The following HECTD3 variants were observed in gnomAD, a reference collection of about 807,000 sequenced individuals.
The protein encoded by HECTD3 is HECT domain E3 ubiquitin protein ligase 3.
In HECTD3, 72 loss-of-function variants were observed where a neutral mutation model predicts 109.3. The ratio of observed to expected loss-of-function variants is 0.66; its 90% CI spans 0.54 to 0.80. The LOEUF is 0.80. HECTD3 is among the 30% of genes least tolerant of loss of function. The pLI, the probability that HECTD3 is intolerant of heterozygous loss-of-function variation, is 0.00. For missense variants in HECTD3, 1,041 were observed against 1,165.2 expected, an observed-to-expected ratio of 0.89 and a Z score of 1.55; for synonymous variants, 481 against 471.8, an observed-to-expected ratio of 1.02 and a Z score of -0.25.
At chr1:45,008,800 C>A in intron 7 of HECTD3, 99 bp from the exon 8 acceptor site, 1 of 1,167,002 alleles carries the variant, frequency 8.6e-7, no homozygotes, top group Admixed American at 1.9e-5. Flanking sequence ...CTTGTGTCAC[C>A]GTTAGCCCCT....
intron 15 of HECTD3, chr1:45,005,075 A>T (rs1557727375): frequency 3.7e-6 from 2 of 540,338 alleles, no homozygotes; most frequent in Non-Finnish European, 6.7e-6. Context: ...AGGAGAGAGA[A>T]CATCTTGGAG....
Position 45,006,257 on chromosome 1 carries a change from T to C in HECTD3, c.1726-141A>G. On this transcript the variant is annotated intron_variant, in intron 13 of 20. Coordinates refer to ENST00000372172, the MANE Select transcript of HECTD3 (RefSeq NM_024602.6). This position sits in a 1 kb window ranked among gnomAD's most constrained non-coding sequence, Gnocchi z 4.7. ...TGCACAGTGGCTCCTCCTCTCCCTG[T>C]CTGCCCAGAGGTTGCCCTGAGCAAC... The C allele has an allele frequency of 1.8e-6, 2 of 1,123,088 alleles. No individual in the cohort carries two copies. The highest frequency in any genetic ancestry group is 2.6e-6 in the Non-Finnish European group (2 of 779,462). 69.6% of individuals were successfully genotyped at this position (1,123,088 alleles called of 1,614,324 possible). A position where few individuals can be genotyped will look rare whatever the true frequency, so the allele number is the denominator to read the frequency against.
In HECTD3 at chr1:45,007,216, T is replaced by C; in HGVS notation, c.1556+3A>G. 1.2e-6 allele frequency: 2 copies of C among 1,612,104 alleles called. No individual in the cohort carries two copies. The highest frequency in any genetic ancestry group is 1.7e-6 in the Non-Finnish European group (2 of 1,178,674). On this transcript the variant is annotated splice_donor_region_variant and intron_variant, in intron 11 of 20. Transcript: ENST00000372172. ...GAGTAAGTCCCTCACTCTCATGCCA[T>C]ACCTGTAGTCCAGGGGCTTTTCATA...
chr1:45,005,974 G>T, intron 14 of HECTD3, 23 bp downstream of exon 14: 1 of 1,612,406 alleles, frequency 6.2e-7, no homozygotes, highest in Non-Finnish European at 8.5e-7. Flanking sequence ...TGATCGGACG[G>T]GGGTGTGGAT....
chr1:45,007,787 T>C (rs976597294), intron 9 of HECTD3, among the ~76,000 whole-genome samples, 192 bp from the exon 10 acceptor site: 4 of 152,190 alleles, frequency 2.6e-5, no homozygotes, highest in Non-Finnish European at 2.9e-5. Context: ...AATCTAATAC[T>C]GTCATTACCT....
At position 45,004,371 on chromosome 1, in the gene HECTD3, C is replaced by G; in HGVS notation, c.2149G>C (p.Ala717Pro). ...RLEESKEQVA[A>P]MQAGLLKVVP... ...ACCTTCAGCAGACCTGCCTGCATAG[C>G]TGCCACCTGGGGAGTGGGTAAAAAG... The change falls in exon 17 of 21, where the codon GCT (alanine) becomes CCT (proline). Residue 717 changes from alanine to proline, a missense_variant. Ala to Pro is a conservative substitution (Grantham distance 27). Around this residue, in one of 2 missense-constraint regions of HECTD3, gnomAD observed 569 missense variants for 715.3 expected, o/e 0.80. Coordinates refer to ENST00000372172, the MANE Select transcript of HECTD3 (RefSeq NM_024602.6). The G allele has an allele frequency of 6.2e-7, 1 of 1,614,138 alleles. No individual in the cohort carries two copies. Among genetic ancestry groups the G allele is most frequent in the Non-Finnish European group, 8.5e-7 (1 of 1,179,990 alleles).
chr1:45,010,066 A>T lies in HECTD3; in HGVS notation c.679T>A (p.Tyr227Asn). ...ECDEDLIHFL[Y>N]DHLGKEDENL... ...TCATCCTCCTTGCCCAGGTGGTCAT[A>T]CAAGAAGTGGATCAGGTCCTCGTCG... Residue 227 changes from tyrosine to asparagine, a missense_variant, in exon 4 of 21, where the codon TAT (tyrosine) becomes AAT (asparagine). By Grantham distance (143) the Tyr-to-Asn change is moderately radical. Transcript: ENST00000372172. 6.3e-7 allele frequency: 1 copy of T among 1,577,764 alleles called. No individual in the cohort carries two copies. The highest frequency in any genetic ancestry group is 8.6e-7 in the Non-Finnish European group (1 of 1,158,350).
rs1288762440 is a variant in HECTD3 at position 45,008,329 on chromosome 1, G to C, written c.1239-8C>G. The C allele has an allele frequency of 5.0e-6, 8 of 1,610,306 alleles. No individual in the cohort carries two copies. The highest frequency in any genetic ancestry group is 6.8e-6 in the Non-Finnish European group (8 of 1,176,630). The stretch of plus-strand genomic sequence containing the variant: ...TCGAGGATCTTGATGAATCTGGCAT[G>C]GGTAGATAGACTGCAGCTAAAGAGT... On this transcript the variant is annotated splice_region_variant and splice_polypyrimidine_tract_variant and intron_variant, in intron 8 of 20. Coordinates refer to ENST00000372172, the MANE Select transcript of HECTD3 (RefSeq NM_024602.6).
intron 1 of HECTD3, 72 bp downstream of exon 1, chr1:45,010,817 A>G (rs3806405): frequency 0.27 from 402,187 of 1,504,310 alleles, 55,687 homozygotes; most frequent in African/African-American, 0.41. Flanking sequence ...TACAGGGGAG[A>G]AAAGGCAAAC....
chr1:45,003,982 G>C lies in HECTD3; in HGVS notation c.2348-46C>G. The C allele has an allele frequency of 6.2e-7, 1 of 1,612,508 alleles. No homozygotes were observed. The highest frequency in any genetic ancestry group is 1.1e-5 in the South Asian group (1 of 91,026). On this transcript the variant is annotated intron_variant, in intron 18 of 20. Coordinates refer to ENST00000372172, the MANE Select transcript of HECTD3 (RefSeq NM_024602.6). The surrounding 1 kb of genome is among the most constrained non-coding windows in gnomAD (Gnocchi z 4.7). ...GTGCCTGCATGGATGGTGAGGGAGG[G>C]TCTACAACTTCTACCCTGCCTCTGC...
chr1:45,009,289 A>G, intron 6 of HECTD3, 63 bp from the exon 7 acceptor site: 1 of 1,542,304 alleles, frequency 6.5e-7, no homozygotes, highest in Non-Finnish European at 9.0e-7. Flanking sequence ...AGACTGCTGG[A>G]GTCTCACTCA....
In HECTD3 at chr1:45,004,753, C is replaced by T. The variant is rs1165694928; in HGVS notation, c.1989G>A (p.Lys663=). 1 of 1,614,250 alleles carries T rather than the reference C, an allele frequency of 6.2e-7. No individual in the cohort carries two copies. The highest frequency in any genetic ancestry group is 1.7e-5 in the Admixed American group (1 of 60,030). The part of the protein sequence containing the change: ...EGMDKETFEF[K]FGKELTFTTV... Reference sequence around the variant, plus strand: ...TGGTGAATGTTAGTTCCTTCCCAAACTTGAACTCAAACGTCTCCTTGTCCA... The same window carrying T: ...TGGTGAATGTTAGTTCCTTCCCAAATTTGAACTCAAACGTCTCCTTGTCCA... The change falls in exon 16 of 21, where the codon AAG becomes AAA. Residue 663 remains lysine (K), a synonymous_variant. Transcript: ENST00000372172.
At position 45,009,559 on chromosome 1, in the gene HECTD3, C is replaced by A. The variant is rs530951669; in HGVS notation, c.875+9G>T. 4 of 1,611,364 alleles carry A rather than the reference C, an allele frequency of 2.5e-6. No homozygotes were observed. The African/African-American group carries it at 5.3e-5, about 21-fold the overall frequency. On this transcript the variant is annotated intron_variant, in intron 5 of 20. Coordinates refer to ENST00000372172, the MANE Select transcript of HECTD3 (RefSeq NM_024602.6). ...CCCACCCACCCTGTCCTGCCCAGAG[C>A]CTACTTACTTGACAATGGTGCCCTT... is the stretch of plus-strand genomic sequence containing the variant.
rs1644730988 is a variant in HECTD3 at position 45,005,888 on chromosome 1, G to T, written c.1846-5C>A. ...AAAACCAGGCAGGGCCAGGACCTGTGTGACAAACACTCCCCACTGTCTTCT... is the reference window on the plus strand; with the variant it reads ...AAAACCAGGCAGGGCCAGGACCTGTTTGACAAACACTCCCCACTGTCTTCT... On this transcript the variant is annotated splice_polypyrimidine_tract_variant and splice_region_variant and intron_variant, in intron 14 of 20. Coordinates refer to ENST00000372172, the MANE Select transcript of HECTD3 (RefSeq NM_024602.6). 1.2e-6 allele frequency: 2 copies of T among 1,605,464 alleles called. No homozygotes were observed. The highest frequency in any genetic ancestry group is 2.2e-5 in the East Asian group (1 of 44,874).
rs1644707822 is a variant in HECTD3 at position 45,003,466 on chromosome 1, G to A, written c.*26C>T. On this transcript the variant is annotated 3_prime_UTR_variant, in exon 21 of 21. Coordinates refer to ENST00000372172, the MANE Select transcript of HECTD3 (RefSeq NM_024602.6). The surrounding 1 kb of genome is among the most constrained non-coding windows in gnomAD (Gnocchi z 4.7). ...GGCCAAGAGGGACACGTGCAGTCTT[G>A]CTGGTCCCACAGCCGGCGGCACGCC... The A allele has an allele frequency of 6.2e-7, 1 of 1,604,754 alleles. No individual in the cohort carries two copies. Among genetic ancestry groups the A allele is most frequent in the African/African-American group, 1.3e-5 (1 of 74,674 alleles).
chr1:45,007,519 C>T lies in HECTD3; in HGVS notation c.1397G>A (p.Ser466Asn), dbSNP rs779074362. 1 of 1,614,054 alleles carries T rather than the reference C, an allele frequency of 6.2e-7. No individual in the cohort carries two copies. The highest frequency in any genetic ancestry group is 2.2e-5 in the East Asian group (1 of 44,886). ...VAQCLRDSES[S>N]KPSFMPRLYI... ...TAGGCGTGGCATGAAGCTGGGCTTGCTGCTCTCAGAGTCACGCAGGCACTG... is the reference window on the plus strand; with the variant it reads ...TAGGCGTGGCATGAAGCTGGGCTTGTTGCTCTCAGAGTCACGCAGGCACTG... The change falls in exon 10 of 21, where the codon AGC becomes AAC. Residue 466 changes from serine (S) to asparagine (N), a missense_variant. This residue lies in a region of HECTD3 where 569 missense variants were observed against 715.3 expected (regional missense o/e 0.80). Coordinates refer to ENST00000372172, the MANE Select transcript of HECTD3 (RefSeq NM_024602.6).
chr1:45,006,721 G>T lies in HECTD3; in HGVS notation c.1696C>A (p.Leu566Met). 6.2e-7 allele frequency: 1 copy of T among 1,613,414 alleles called. No individual in the cohort carries two copies. Reference protein sequence around the residue: ...CPSSADTPVPLPFFVRTANQG... With the variant: ...CPSSADTPVPMPFFVRTANQG... ...TTGGCTGTGCGTACAAAGAAGGGCA[G>T]GGGCACGGGGGTATCCGCTGAGCTA... Residue 566 changes from leucine (L) to methionine (M), a missense_variant, in exon 13 of 21, where the codon CTG becomes ATG. By Grantham distance (15) the Leu-to-Met change is conservative. Coordinates refer to ENST00000372172, the MANE Select transcript of HECTD3 (RefSeq NM_024602.6). This position sits in a 1 kb window ranked among gnomAD's most constrained non-coding sequence, Gnocchi z 4.7.
At position 45,003,382 on chromosome 1, in the gene HECTD3, G is replaced by T. The variant is rs1644707240; in HGVS notation, c.*110C>A. 3.3e-6 allele frequency: 3 copies of T among 905,096 alleles called. No homozygotes were observed. In the African/African-American group the frequency reaches 4.9e-5, roughly 15 times the overall value. The allele number at this position is 905,096 out of a possible 1,614,324, so 56.1% of individuals were successfully genotyped here. A position where few individuals can be genotyped will look rare whatever the true frequency, so the allele number is the denominator to read the frequency against. ...ACTGCACACAGGAGCAGGGCACATG[G>T]GGTTTTGCTGAGCACGTCAGCCAAA... is the stretch of plus-strand genomic sequence containing the variant. On this transcript the variant is annotated 3_prime_UTR_variant, in exon 21 of 21. Transcript: ENST00000372172. This position sits in a 1 kb window ranked among gnomAD's most constrained non-coding sequence, Gnocchi z 4.7.
At position 45,002,979 on chromosome 1, in the gene HECTD3, G is replaced by A. The variant is rs762932349; in HGVS notation, c.*513C>T. 1.2e-5 allele frequency: 2 copies of A among 165,168 alleles called. No individual in the cohort carries two copies. Among genetic ancestry groups the A allele is most frequent in the Admixed American group, 5.5e-5 (1 of 18,098 alleles). The allele number at this position is 165,168 out of a possible 1,614,324, so 10.2% of individuals were successfully genotyped here. A position where few individuals can be genotyped will look rare whatever the true frequency, so the allele number is the denominator to read the frequency against. On this transcript the variant is annotated 3_prime_UTR_variant, in exon 21 of 21. Transcript: ENST00000372172. ...AGCAGAATGTGAGGGCAGGTGCTCA[G>A]CTACTGCTTCCTTCTTGGAGCAGGT...
Sources: gnomAD v4.1 joint callset for allele counts (sites outside exome capture counted in the v4.1 genomes callset) on GRCh38, gnomAD v4.1.1 for gene constraint, gnomAD v4.1.1 regional missense constraint, Gnocchi (gnomAD v3.1) non-coding constraint, MANE v1.5 for transcripts, NCBI Gene and HGNC (gene_info 2026-07-23, HGNC 2026-07-21) for gene names.